REEP1: variants seen among roughly 807,000 people sequenced by gnomAD.
REEP1 encodes the protein receptor expression-enhancing protein 1.
A neutral mutation model predicts 40.3 loss-of-function variants in REEP1; 22 were observed. That is an observed-to-expected ratio of 0.55 (90% CI 0.39 to 0.78). REEP1 has a LOEUF of 0.78. Ranked by LOEUF, REEP1 falls within the 30% of genes least tolerant of loss-of-function variation. The pLI is 0.00. For synonymous variants in REEP1, 116 were observed against 139.2 expected, an observed-to-expected ratio of 0.83 and a Z score of 1.17; for missense variants, 280 against 361.1, an observed-to-expected ratio of 0.78 and a Z score of 1.82.
intron 2 of REEP1, among the ~76,000 whole-genome samples, chr2:86,275,807 T>A (rs1677727602): frequency 6.6e-6 from 1 of 152,166 alleles, no homozygotes; most frequent in South Asian, 2.1e-4. Context: ...TGACTTTCCA[T>A]CCCTGAGTAA....
At chr2:86,229,511 T>C (rs981428867) in intron 6 of REEP1, among the ~76,000 whole-genome samples, 1 of 151,898 alleles carries the variant, frequency 6.6e-6, no homozygotes, top group African/African-American at 2.4e-5. Context: ...CATGTTGACC[T>C]TACTTCAGGG....
In REEP1 at chr2:86,337,510, T is replaced by TGGCGGGCA; in HGVS notation, c.-8_-1dup. 13 of 1,282,910 alleles carry TGGCGGGCA rather than the reference T, an allele frequency of 1.0e-5. No individual in the cohort carries two copies. Among genetic ancestry groups the TGGCGGGCA allele is most frequent in the Non-Finnish European group, 1.3e-5 (13 of 1,007,708 alleles). 79.5% of individuals were successfully genotyped at this position (1,282,910 alleles called of 1,614,324 possible). The stretch of plus-strand genomic sequence containing the variant: ...AGCCTGGAGATGATCCATGACACCA[T>TGGCGGGCA]GGCGGGCAGGCGGGCGGGCGAGGCC... On this transcript the variant is annotated 5_prime_UTR_variant, in exon 1 of 9. Coordinates refer to ENST00000538924, the MANE Select transcript of REEP1 (RefSeq NM_001371279.1). The surrounding 1 kb of genome is among the most constrained non-coding windows in gnomAD (Gnocchi z 5.8).
chr2:86,323,510 T>C (rs922677847), intron 1 of REEP1, among the ~76,000 whole-genome samples: 2 of 152,178 alleles, frequency 1.3e-5, no homozygotes, highest in Non-Finnish European at 2.9e-5. Flanking sequence ...TAGATTCTCA[T>C]GGGAGCACGA....
chr2:86,253,349 A>G (rs561303305), intron 4 of REEP1, among the ~76,000 whole-genome samples: 2 of 151,780 alleles, frequency 1.3e-5, no homozygotes, highest in Non-Finnish European at 1.5e-5. Context: ...AGACAATGAC[A>G]TTTGGCCTTA....
chr2:86,218,685 C>T (rs375028148), intron 8 of REEP1, among the ~76,000 whole-genome samples: 1 of 152,202 alleles, frequency 6.6e-6, no homozygotes, highest in African/African-American at 2.4e-5. Flanking sequence ...GCTGCCCAGG[C>T]CAGATTGCCC....
At chr2:86,333,965 G>C (rs192100636) in intron 1 of REEP1, among the ~76,000 whole-genome samples, 5 of 152,160 alleles carry the variant, frequency 3.3e-5, no homozygotes, top group Non-Finnish European at 5.9e-5. Context: ...AGCCTTGCCC[G>C]TGGGCACAAG....
At chr2:86,323,668 C>G (rs573058116) in intron 1 of REEP1, among the ~76,000 whole-genome samples, 26 of 152,338 alleles carry the variant, frequency 1.7e-4, no homozygotes, top group African/African-American at 6.3e-4. Context: ...TTCTATGAAA[C>G]TAGTCCTTGG....
At chr2:86,264,116 C>T (rs948927586) in intron 2 of REEP1, 75 bp from the exon 3 acceptor site, 10 of 1,157,764 alleles carry the variant, frequency 8.6e-6, no homozygotes, top group African/African-American at 4.6e-5. Context: ...GAAGAACAGG[C>T]CCCGGCGGCA....
At chr2:86,335,183 G>A (rs1680952973) in intron 1 of REEP1, among the ~76,000 whole-genome samples, 1 of 152,180 alleles carries the variant, frequency 6.6e-6, no homozygotes, top group African/African-American at 2.4e-5. Flanking sequence ...AGTTATCTCT[G>A]TGTGGTGGAA....
At chr2:86,333,776 G>A (rs566060236) in intron 1 of REEP1, among the ~76,000 whole-genome samples, 1 of 152,338 alleles carries the variant, frequency 6.6e-6, no homozygotes, top group East Asian at 1.9e-4. Flanking sequence ...TAAAGAAAAT[G>A]AAAGGAGGCA....
At chr2:86,299,999 C>T (rs1679182237) in intron 1 of REEP1, among the ~76,000 whole-genome samples, 2 of 152,140 alleles carry the variant, frequency 1.3e-5, no homozygotes, top group African/African-American at 4.8e-5. Flanking sequence ...GAGGCAGCAG[C>T]CCAGGGCCAG....
intron 1 of REEP1, among the ~76,000 whole-genome samples, chr2:86,286,253 CCA>C (rs1348276676): frequency 3.3e-5 from 5 of 152,324 alleles, no homozygotes; most frequent in Admixed American, 3.3e-4. Context: ...CAGTGGTTCC[CCA>C]CTGGGGTGAT....
At chr2:86,237,199 AC>A (rs1183082530) in intron 5 of REEP1, among the ~76,000 whole-genome samples, 1 of 137,202 alleles carries the variant, frequency 7.3e-6, no homozygotes, top group Non-Finnish European at 1.7e-5. Context: ...TAATTAACAA[AC>A]CATTTAAGAA....
intron 6 of REEP1, among the ~76,000 whole-genome samples, chr2:86,229,692 C>A (rs1674907161): frequency 6.6e-6 from 1 of 150,790 alleles, no homozygotes; most frequent in Admixed American, 6.6e-5. Context: ...TCACTGCAAC[C>A]TCCGCCTCCC....
intron 7 of REEP1, among the ~76,000 whole-genome samples, chr2:86,225,899 A>G (rs1287866572): frequency 6.6e-6 from 1 of 152,236 alleles, no homozygotes; most frequent in East Asian, 1.9e-4. Context: ...GACCCTCACT[A>G]GTCCCTAATG....
chr2:86,222,705 T>A (rs1420658372), intron 7 of REEP1, among the ~76,000 whole-genome samples: 1 of 152,204 alleles, frequency 6.6e-6, no homozygotes, highest in East Asian at 1.9e-4. Context: ...GCCCACTCCC[T>A]TCTCCCCATG....
intron 1 of REEP1, among the ~76,000 whole-genome samples, chr2:86,308,909 C>T (rs1679627418): frequency 6.6e-6 from 1 of 152,208 alleles, no homozygotes; most frequent in Non-Finnish European, 1.5e-5. Context: ...CAGTCTAGAA[C>T]TAGGGACTGG....
chr2:86,255,003 G>A (rs907086282), intron 3 of REEP1, 189 bp from the exon 4 acceptor site: 9 of 548,966 alleles, frequency 1.6e-5, no homozygotes, highest in Middle Eastern at 3.5e-4. Context: ...CAACCCCAAC[G>A]CCTCTCTTTG....
At chr2:86,253,440 G>A (rs1574037899) in intron 4 of REEP1, among the ~76,000 whole-genome samples, 1 of 152,322 alleles carries the variant, frequency 6.6e-6, no homozygotes, top group East Asian at 1.9e-4. Flanking sequence ...ATTCCCTGTG[G>A]AAGGCTTCCC....
Sources: gnomAD v4.1 joint callset for allele counts (sites outside exome capture counted in the v4.1 genomes callset) on GRCh38, gnomAD v4.1.1 for gene constraint, Gnocchi (gnomAD v3.1) non-coding constraint, MANE v1.5 for transcripts, NCBI Gene and HGNC (gene_info 2026-07-23, HGNC 2026-07-21) for gene names.